The following DGKK variants were observed in gnomAD, a reference collection of about 807,000 sequenced individuals.
DGKK encodes the protein 142 kDa diacylglycerol kinase.
In DGKK, 35 loss-of-function variants were observed where a neutral mutation model predicts 92.2. The observed-to-expected ratio is 0.38, with a 90% CI of 0.29 to 0.50. DGKK has a LOEUF of 0.50. Ranked by LOEUF, DGKK falls within the 20% of genes least tolerant of loss-of-function variation. DGKK has a pLI of 0.92. For missense variants in DGKK, 910 were observed against 992.2 expected (o/e 0.92, Z 1.11); for synonymous variants, 368 against 360.6 (o/e 1.02, Z -0.23).
intron 24 of DGKK, among the ~76,000 whole-genome samples, chrX:50,375,703 G>A (rs1924252640): frequency 9.0e-6 from 1 of 111,525 alleles, no homozygotes; most frequent in Non-Finnish European, 1.9e-5. Flanking sequence ...GTTATACAGA[G>A]ATCTACTTGT....
intron 4 of DGKK, among the ~76,000 whole-genome samples, chrX:50,407,632 A>T (rs1408163133): frequency 8.9e-6 from 1 of 112,002 alleles, no homozygotes; most frequent in Non-Finnish European, 1.9e-5. Flanking sequence ...CCAAAGTCAC[A>T]TTAGGGGTTA....
At position 50,378,566 on chromosome X, in the gene DGKK, G is replaced by T. The variant is rs782283261; in HGVS notation, c.2976+12C>A. On this transcript the variant is annotated intron_variant, in intron 21 of 27. Coordinates refer to ENST00000611977, the MANE Select transcript of DGKK (RefSeq NM_001013742.4). ...TCAGCCCCTTCCCAGTGCCCACCCA[G>T]CCCCTGCCTACCTGGGCAATGCGAT... is the stretch of plus-strand genomic sequence containing the variant. 5.0e-6 allele frequency: 6 copies of T among 1,188,296 alleles called. No individual in the cohort carries two copies. The highest frequency in any genetic ancestry group is 6.8e-6 in the Non-Finnish European group (6 of 878,919).
At chrX:50,380,304 A>T (rs192629501) in intron 18 of DGKK, among the ~76,000 whole-genome samples, 63 of 111,008 alleles carry the variant, frequency 5.7e-4, no homozygotes, top group Non-Finnish European at 9.1e-4. Context: ...CAATAAATAA[A>T]TTTTCCATTT....
intron 1 of DGKK, among the ~76,000 whole-genome samples, chrX:50,464,141 G>GTT (rs57822841): frequency 1.0e-5 from 1 of 97,711 alleles, no homozygotes; most frequent in Non-Finnish European, 2.1e-5. Context: ...AAAAAAATCG[G>GTT]TTTTTTTTTT....
intron 9 of DGKK, 38 bp downstream of exon 9, chrX:50,393,114 C>T (rs782603310): frequency 2.9e-4 from 327 of 1,116,313 alleles, no homozygotes; most frequent in Non-Finnish European, 3.6e-4. Context: ...GGAAGACTCC[C>T]TTACATACCC....
Position 50,386,548 on chromosome X carries a change from A to G in DGKK, c.2157T>C (p.Asp719=). ...LMYDRLSVLI[D]VLAEEAAATS... ...TAGCTGCTGCCTCCTCAGCCAGGAC[A>G]TCGATCAGGACACTGAGCCTATCAT... Residue 719 remains aspartate (D), a synonymous_variant, in exon 15 of 28, where the codon GAT becomes GAC. Coordinates refer to ENST00000611977, the MANE Select transcript of DGKK (RefSeq NM_001013742.4). The G allele has an allele frequency of 8.3e-7, 1 of 1,210,903 alleles. No homozygotes were observed. The highest frequency in any genetic ancestry group is 1.1e-6 in the Non-Finnish European group (1 of 895,105).
In DGKK at chrX:50,420,418, C is replaced by T. The variant is rs376826676; in HGVS notation, c.927G>A (p.Gln309=). ...GTTTTCTTACCTTATAAATTTCTCCCTGTTGGATGGTTTTTATGATGTTAA... is the reference window on the plus strand; with the variant it reads ...GTTTTCTTACCTTATAAATTTCTCCTTGTTGGATGGTTTTTATGATGTTAA... ...EWINIIKTIQ[Q]GEIYKIPAAE... Residue 309 remains glutamine, a synonymous_variant, in exon 4 of 28, where the codon CAG becomes CAA. Coordinates refer to ENST00000611977, the MANE Select transcript of DGKK (RefSeq NM_001013742.4). 70 of 1,207,209 alleles carry T rather than the reference C, an allele frequency of 5.8e-5. No individual in the cohort carries two copies. The highest frequency in any genetic ancestry group is 1.6e-5 in the Non-Finnish European group (14 of 893,477).
intron 1 of DGKK, among the ~76,000 whole-genome samples, chrX:50,452,235 T>A (rs1435846356): frequency 8.9e-6 from 1 of 111,794 alleles, no homozygotes; most frequent in Non-Finnish European, 1.9e-5. Context: ...AAGCCCGCTA[T>A]ATTGCACTGC....
At chrX:50,393,426 T>C (rs782231121) in intron 8 of DGKK, 91 bp from the exon 9 acceptor site, 7 of 719,338 alleles carry the variant, frequency 9.7e-6, no homozygotes, top group Non-Finnish European at 1.4e-5. Context: ...TTGCAATAAC[T>C]TTTTGAGTAT....
intron 25 of DGKK, among the ~76,000 whole-genome samples, chrX:50,374,406 C>T (rs1802157777): frequency 9.0e-6 from 1 of 111,502 alleles, no homozygotes. Context: ...AGAGGATGGC[C>T]CTGCTGACAC....
At chrX:50,440,369 G>A (rs782630209) in intron 1 of DGKK, among the ~76,000 whole-genome samples, 10 of 111,422 alleles carry the variant, frequency 9.0e-5, no homozygotes, top group East Asian at 8.5e-4. Context: ...ATTTTTCCAC[G>A]AAACCAACAA....
At chrX:50,395,030 G>GA (rs1471672493) in intron 8 of DGKK, among the ~76,000 whole-genome samples, 1 of 110,414 alleles carries the variant, frequency 9.1e-6, no homozygotes, top group Non-Finnish European at 1.9e-5. Flanking sequence ...TGAGTGGGGG[G>GA]GGAGTGGCAG....
chrX:50,388,685 A>G, intron 12 of DGKK, 67 bp from the exon 13 acceptor site: 1 of 770,345 alleles, frequency 1.3e-6, no homozygotes, highest in Non-Finnish European at 1.9e-6. Flanking sequence ...GCCCATCCTC[A>G]TCCCCTGCAG....
At chrX:50,412,791 G>A (rs193058943) in intron 4 of DGKK, among the ~76,000 whole-genome samples, 88 of 111,839 alleles carry the variant, frequency 7.9e-4, no homozygotes, top group African/African-American at 2.7e-3. Context: ...AATGATGTTG[G>A]CTGGATATCC....
chrX:50,405,527 GGAGAGAGAGAGAGAGA>G (rs781903574), intron 4 of DGKK, among the ~76,000 whole-genome samples: 4 of 100,961 alleles, frequency 4.0e-5, no homozygotes, highest in Non-Finnish European at 6.0e-5. Context: ...GACAGTGGGG[GGAGAGAGAGAGAGAGA>G]GAGAGAGAGA....
At chrX:50,445,075 T>A (rs1926258347) in intron 1 of DGKK, among the ~76,000 whole-genome samples, 1 of 109,512 alleles carries the variant, frequency 9.1e-6, no homozygotes, top group East Asian at 2.8e-4. Context: ...TGCTTGTAGG[T>A]TGCGTGTATG....
chrX:50,413,607 TC>T (rs1455899962), intron 4 of DGKK, among the ~76,000 whole-genome samples: 1 of 112,113 alleles, frequency 8.9e-6, no homozygotes. Context: ...GAAAAAATGC[TC>T]AATATCATTA....
intron 13 of DGKK, among the ~76,000 whole-genome samples, chrX:50,388,272 T>G (rs1365108671): frequency 2.7e-5 from 3 of 112,236 alleles, no homozygotes; most frequent in Non-Finnish European, 5.6e-5. Context: ...TGGTCTATAA[T>G]GTTGTGTTTC....
At chrX:50,374,381 T>C (rs782376790) in intron 25 of DGKK, among the ~76,000 whole-genome samples, 37 of 111,723 alleles carry the variant, frequency 3.3e-4, no homozygotes, top group African/African-American at 1.2e-3. Flanking sequence ...GAAGGACCCC[T>C]TACAGGTTTT....
Sources: allele counts gnomAD v4.1 joint callset (sites outside exome capture counted in the v4.1 genomes callset), GRCh38; gene constraint gnomAD v4.1.1; transcripts MANE v1.5; gene names NCBI Gene and HGNC (gene_info 2026-07-23, HGNC 2026-07-21).